Variants in ADAM19 observed in about 807,000 individuals in gnomAD.
ADAM19 encodes disintegrin and metalloproteinase domain-containing protein 19.
A neutral mutation model predicts 114.7 loss-of-function variants in ADAM19; 65 were observed. The ratio of observed to expected loss-of-function variants is 0.57; its 90% CI spans 0.46 to 0.70. The LOEUF (loss-of-function observed/expected upper bound fraction) is 0.70, where lower values mean the gene tolerates loss of function less well. Ranked by LOEUF, ADAM19 falls within the 30% of genes least tolerant of loss-of-function variation. The pLI, the probability that ADAM19 is intolerant of heterozygous loss-of-function variation, is 0.00. For missense variants in ADAM19, 1,063 were observed against 1,204.7 expected (o/e 0.88, Z 1.74); for synonymous variants, 466 against 460.5 (o/e 1.01, Z -0.15).
chr5:157,561,206 G>T (rs538244914), intron 3 of ADAM19, among the ~76,000 whole-genome samples: 3 of 152,204 alleles, frequency 2.0e-5, no homozygotes, highest in Non-Finnish European at 4.4e-5. Context: ...ACAGGCTGCC[G>T]GCTGCCGCGC....
intron 7 of ADAM19, among the ~76,000 whole-genome samples, chr5:157,518,429 G>T (rs1335070383): frequency 6.6e-6 from 1 of 152,166 alleles, no homozygotes; most frequent in Non-Finnish European, 1.5e-5. Context: ...TTGTTGCTCA[G>T]GCTGGAGTGC....
At chr5:157,524,355 G>A (rs545422979) in intron 5 of ADAM19, among the ~76,000 whole-genome samples, 16 of 152,218 alleles carry the variant, frequency 1.1e-4, no homozygotes, top group Non-Finnish European at 2.4e-4. Context: ...ATTGCTCATC[G>A]TTAAGAGATG....
intron 3 of ADAM19, among the ~76,000 whole-genome samples, chr5:157,543,817 G>C (rs1050098937): frequency 6.6e-6 from 1 of 151,976 alleles, no homozygotes. Context: ...GGACAGACAG[G>C]TACTGGAAAG....
chr5:157,537,874 G>C, intron 4 of ADAM19, 39 bp downstream of exon 4: 1 of 1,568,136 alleles, frequency 6.4e-7, no homozygotes, highest in Non-Finnish European at 8.8e-7. Context: ...GGCTGGGAGA[G>C]GACAGCTGCT....
chr5:157,504,198 T>C (rs1165193655), intron 11 of ADAM19, among the ~76,000 whole-genome samples: 1 of 152,248 alleles, frequency 6.6e-6, no homozygotes, highest in Non-Finnish European at 1.5e-5. Flanking sequence ...CATGAGCTTA[T>C]AGGGATCCAG....
chr5:157,481,194 C>T, intron 22 of ADAM19, 192 bp from the exon 23 acceptor site: 2 of 708,536 alleles, frequency 2.8e-6, no homozygotes, highest in Non-Finnish European at 2.3e-6. Context: ...TGGTAGGTGC[C>T]CCTATCTCAA....
At chr5:157,512,280 A>G (rs1261963521) in intron 8 of ADAM19, among the ~76,000 whole-genome samples, 3 of 152,238 alleles carry the variant, frequency 2.0e-5, no homozygotes, top group Non-Finnish European at 4.4e-5. Flanking sequence ...GGAAACTGCC[A>G]TCTGATGACT....
At chr5:157,503,126 C>T (rs1214975312) in intron 11 of ADAM19, 146 bp from the exon 12 acceptor site, 6 of 619,744 alleles carry the variant, frequency 9.7e-6, no homozygotes, top group Non-Finnish European at 1.7e-5. Flanking sequence ...ACATTCTGGC[C>T]CCTTAGAACA....
At chr5:157,520,688 T>A (rs868400982) in intron 5 of ADAM19, among the ~76,000 whole-genome samples, 5 of 152,262 alleles carry the variant, frequency 3.3e-5, no homozygotes, top group Non-Finnish European at 4.4e-5. Context: ...AGGGTCTTTG[T>A]GCTTGGAAAC....
intron 8 of ADAM19, among the ~76,000 whole-genome samples, chr5:157,512,805 C>G (rs1165763306): frequency 6.6e-6 from 1 of 152,208 alleles, no homozygotes; most frequent in African/African-American, 2.4e-5. Flanking sequence ...AAGCAACCCA[C>G]TTCTCAGACA....
rs1394639428 is a variant in ADAM19, at chr5:157,477,487, C to T, written c.*3462G>A. 6.6e-6 allele frequency: 7 copies of T among 1,060,620 alleles called. No individual in the cohort carries two copies. Among genetic ancestry groups the T allele is most frequent in the Non-Finnish European group, 8.0e-6 (7 of 870,232 alleles). 65.7% of individuals were successfully genotyped at this position (1,060,620 alleles called of 1,614,324 possible). A position where few individuals can be genotyped will look rare whatever the true frequency, so the allele number is the denominator to read the frequency against. On this transcript the variant is annotated 3_prime_UTR_variant, in exon 23 of 23. Transcript: ENST00000257527. ...CAAATAAAAAGAAAATTCACATTGCCCTGGATCCCAGACACATACAAACGC... is the reference window on the plus strand; with the variant it reads ...CAAATAAAAAGAAAATTCACATTGCTCTGGATCCCAGACACATACAAACGC...
At chr5:157,515,947 ACT>A (rs908831569) in intron 7 of ADAM19, among the ~76,000 whole-genome samples, 7 of 151,198 alleles carry the variant, frequency 4.6e-5, no homozygotes, top group African/African-American at 1.2e-4. Context: ...ACTGCTGACA[ACT>A]CTCTCTCTAG....
At chr5:157,530,361 C>A (rs959036412) in intron 5 of ADAM19, among the ~76,000 whole-genome samples, 4 of 152,214 alleles carry the variant, frequency 2.6e-5, no homozygotes, top group Admixed American at 6.5e-5. Context: ...CCTAAACCTG[C>A]TTTCTCTGCC....
At position 157,491,606 on chromosome 5, in the gene ADAM19, G is replaced by T. The variant is rs190049336; in HGVS notation, c.2095+9C>A. 2 of 1,483,692 alleles carry T rather than the reference G, an allele frequency of 1.3e-6. No individual in the cohort carries two copies. The highest frequency in any genetic ancestry group is 2.5e-5 in the Admixed American group (1 of 40,354). 91.9% of individuals were successfully genotyped at this position (1,483,692 alleles called of 1,614,324 possible). ...AAGCGGGCAGTGGCCCCAGCAGGCT[G>T]GCACTCACTCTCAGGGGGCATAGGC... is the stretch of plus-strand genomic sequence containing the variant. On this transcript the variant is annotated intron_variant, in intron 18 of 22. Coordinates refer to ENST00000257527, the MANE Select transcript of ADAM19 (RefSeq NM_033274.5).
chr5:157,520,798 G>T (rs903726103), intron 5 of ADAM19, among the ~76,000 whole-genome samples: 3 of 152,170 alleles, frequency 2.0e-5, no homozygotes, highest in Non-Finnish European at 4.4e-5. Flanking sequence ...CCAAGCATGA[G>T]GGACTACTTT....
intron 1 of ADAM19, 24 bp downstream of exon 1, chr5:157,575,579 A>AT (rs1757950526): frequency 6.9e-7 from 1 of 1,447,838 alleles, no homozygotes; most frequent in Admixed American, 2.6e-5. Flanking sequence ...CCCAGCCTCC[A>AT]TCCCCCCGCG....
At chr5:157,520,864 C>G (rs1305396097) in intron 5 of ADAM19, among the ~76,000 whole-genome samples, 1 of 152,148 alleles carries the variant, frequency 6.6e-6, no homozygotes, top group African/African-American at 2.4e-5. Flanking sequence ...CTCATGTGTC[C>G]TAGACATAAT....
Position 157,541,285 on chromosome 5 carries a change from G to A in ADAM19, c.252-3294C>T, listed in dbSNP as rs987456763. 1.7e-4 allele frequency among the ~76,000 whole-genome samples: 26 copies of A among 152,324 alleles called. 2 individuals carry two copies. Among genetic ancestry groups the A allele is most frequent in the Admixed American group, 6.5e-4 (10 of 15,302 alleles). On this transcript the variant is annotated intron_variant, in intron 3 of 22. Coordinates refer to ENST00000257527, the MANE Select transcript of ADAM19 (RefSeq NM_033274.5). ...GATTGCATTAGGATTTTCAGGAAAC[G>A]ACTTGTGAGTGATGTGCATCCAGGA...
chr5:157,552,565 G>A (rs1270785957), intron 3 of ADAM19, among the ~76,000 whole-genome samples: 4 of 151,418 alleles, frequency 2.6e-5, no homozygotes, highest in Non-Finnish European at 2.9e-5. Context: ...TGTAGTCCCA[G>A]CTACTCGGGA....
Sources: allele counts gnomAD v4.1 joint callset (sites outside exome capture counted in the v4.1 genomes callset), GRCh38; gene constraint gnomAD v4.1.1; transcripts MANE v1.5; gene names NCBI Gene and HGNC (gene_info 2026-07-23, HGNC 2026-07-21).